Variants in MALT1 observed in about 807,000 individuals in gnomAD.
MALT1 encodes the protein mucosa-associated lymphoid tissue lymphoma translocation protein 1.
In MALT1, 36 loss-of-function variants were observed where a neutral mutation model predicts 85.5. The observed-to-expected ratio is 0.42, with a 90% CI of 0.32 to 0.56. The LOEUF is 0.56. MALT1 is among the 20% of genes least tolerant of loss of function. The pLI is 0.10. For missense variants in MALT1, 716 were observed against 981.6 expected (o/e 0.73, Z 3.62); for synonymous variants, 359 against 361.3 (o/e 0.99, Z 0.07).
intron 2 of MALT1, 115 bp from the exon 3 acceptor site, chr18:58,696,251 C>T (rs2054585477): frequency 4.8e-6 from 4 of 841,614 alleles, no homozygotes; most frequent in Non-Finnish European, 6.6e-6. Context: ...TGATTTATGA[C>T]AAAGATAAAT....
At chr18:58,680,953 AAAT>A (rs2054313243) in intron 1 of MALT1, among the ~76,000 whole-genome samples, 1 of 151,482 alleles carries the variant, frequency 6.6e-6, no homozygotes, top group African/African-American at 2.4e-5. Flanking sequence ...AAAAAAAAAA[AAAT>A]AATCATGGGA....
chr18:58,681,415 A>T, intron 2 of MALT1, 79 bp downstream of exon 2: 1 of 1,363,208 alleles, frequency 7.3e-7, no homozygotes, highest in Non-Finnish European at 9.9e-7. Flanking sequence ...TGACCAGGTG[A>T]ACTGTGTTAA....
In MALT1 at chr18:58,714,108, TG is replaced by T; in HGVS notation, c.985+1del. On this transcript the variant is annotated frameshift_variant and splice_region_variant, in exon 8 of 17. Coordinates refer to ENST00000649217, the MANE Select transcript of MALT1 (RefSeq NM_006785.4). LOFTEE classifies it high-confidence loss of function. The stretch of plus-strand genomic sequence containing the variant: ...ATGAATTAAATAATCTTGGTCATCC[TG>T]GTGAGTAATACAAACATAAAACTTT... ...EDELNNLGHP[D>X]NKEQTTDQPL... The T allele has an allele frequency of 7.9e-7, 1 of 1,266,152 alleles. No individual in the cohort carries two copies. Among genetic ancestry groups the T allele is most frequent in the Non-Finnish European group, 1.1e-6 (1 of 885,302 alleles). The allele number at this position is 1,266,152 out of a possible 1,614,324, so 78.4% of individuals were successfully genotyped here.
In MALT1 at chr18:58,671,795, GC is replaced by G; in HGVS notation, c.154del (p.Arg52GlyfsTer21). 1 of 1,250,686 alleles carries G rather than the reference GC, an allele frequency of 8.0e-7. No homozygotes were observed. The allele number at this position is 1,250,686 out of a possible 1,614,324, so 77.5% of individuals were successfully genotyped here. ...GAGCTCCTGGATCAGGCGCCCGAGG[GC>G]CGGGGCTGGAGGAGACTGGCGGAGC... ...LSELLDQAPE[G>X]RGWRRLAELA... On this transcript the variant is annotated frameshift_variant, in exon 1 of 17. Coordinates refer to ENST00000649217, the MANE Select transcript of MALT1 (RefSeq NM_006785.4). LOFTEE classifies it high-confidence loss of function.
chr18:58,675,083 G>A (rs184745853), intron 1 of MALT1, among the ~76,000 whole-genome samples: 24 of 152,216 alleles, frequency 1.6e-4, no homozygotes, highest in Admixed American at 5.2e-4. Context: ...AGTCAGACCC[G>A]GCCCTGATTC....
At position 58,734,568 on chromosome 18, in the gene MALT1, C is replaced by T; in HGVS notation, c.1475+187C>T. 1.8e-6 allele frequency: 1 copy of T among 560,820 alleles called. No individual in the cohort carries two copies. Among genetic ancestry groups the T allele is most frequent in the South Asian group, 2.4e-5 (1 of 40,872 alleles). 34.7% of individuals were successfully genotyped at this position (560,820 alleles called of 1,614,324 possible). A position where few individuals can be genotyped will look rare whatever the true frequency, so the allele number is the denominator to read the frequency against. ...CCTTCTGAGTCGCTGGGATTACAGG[C>T]ATGTGCCACTGTGCCTGGCCCCTGA... is the stretch of plus-strand genomic sequence containing the variant. On this transcript the variant is annotated intron_variant, in intron 12 of 16. Transcript: ENST00000649217.
chr18:58,709,004 A>G (rs1332662686), intron 4 of MALT1, among the ~76,000 whole-genome samples: 1 of 152,236 alleles, frequency 6.6e-6, no homozygotes, highest in African/African-American at 2.4e-5. Flanking sequence ...TTAAATGCCA[A>G]TATCGTTCAA....
At chr18:58,689,844 A>G (rs2054469890) in intron 2 of MALT1, among the ~76,000 whole-genome samples, 1 of 152,178 alleles carries the variant, frequency 6.6e-6, no homozygotes, top group African/African-American at 2.4e-5. Flanking sequence ...TTGTGGGGAG[A>G]ACCCAGCAGA....
At position 58,696,617 on chromosome 18, in the gene MALT1, C is replaced by T. The variant is rs577194057; in HGVS notation, c.498+130C>T. 210 of 644,540 alleles carry T rather than the reference C, an allele frequency of 3.3e-4. 1 individual carries two copies. Among genetic ancestry groups the T allele is most frequent in the Middle Eastern group, 2.7e-3 (6 of 2,182 alleles). The allele number at this position is 644,540 out of a possible 1,614,324, so 39.9% of individuals were successfully genotyped here. On this transcript the variant is annotated intron_variant, in intron 3 of 16. Transcript: ENST00000649217. The stretch of plus-strand genomic sequence containing the variant: ...TCTGATAGACATTGCTAGGTTATTA[C>T]TGAAGTAGTCAATAGTCATTATTTT...
rs1347146669 is a variant in MALT1, at chr18:58,734,649, A to C, written c.1475+268A>C. ...AAAATACCTATAGACATGTAGGCAT[A>C]AATTTACCTCCTTGATATTCTGCGT... On this transcript the variant is annotated intron_variant, in intron 12 of 16. Transcript: ENST00000649217. 6.0e-5 allele frequency: 21 copies of C among 348,818 alleles called. No homozygotes were observed. The Admixed American group carries it at 8.9e-4, about 15-fold the overall frequency. The allele number at this position is 348,818 out of a possible 1,614,324, so 21.6% of individuals were successfully genotyped here. A position where few individuals can be genotyped will look rare whatever the true frequency, so the allele number is the denominator to read the frequency against.
intron 10 of MALT1, among the ~76,000 whole-genome samples, chr18:58,732,965 C>G (rs28398115): frequency 0.13 from 19,622 of 151,070 alleles, 2,339 homozygotes; most frequent in African/African-American, 0.31. Flanking sequence ...GGGTGGAGTA[C>G]AGTGGCATGA....
intron 6 of MALT1, among the ~76,000 whole-genome samples, chr18:58,710,403 G>T (rs1448534251): frequency 2.0e-5 from 3 of 152,056 alleles, no homozygotes; most frequent in Non-Finnish European, 4.4e-5. Flanking sequence ...AAGATTTTTG[G>T]CCAGGTGCAG....
intron 7 of MALT1, among the ~76,000 whole-genome samples, chr18:58,711,428 T>C (rs2054829647): frequency 6.6e-6 from 1 of 152,192 alleles, no homozygotes; most frequent in Admixed American, 6.5e-5. Context: ...TTCTATGAAA[T>C]ATTAAATATT....
chr18:58,672,592 C>A (rs2054180664), intron 1 of MALT1: 1 of 151,948 alleles, frequency 6.6e-6, no homozygotes, highest in Non-Finnish European at 1.5e-5. Flanking sequence ...TGATATTTAC[C>A]ACCTTTGAAA....
At position 58,753,847 on chromosome 18, in the gene MALT1, TAC is replaced by T. The variant is rs757621588; in HGVS notation, c.*6007_*6008del. Reference sequence around the variant, plus strand: ...CTTCAGTTTAAAAGTACAGTGTCATTACAGAGTGCTTATTCTGTTACAAAATT... The same window carrying T: ...CTTCAGTTTAAAAGTACAGTGTCATTAGAGTGCTTATTCTGTTACAAAATT... On this transcript the variant is annotated 3_prime_UTR_variant, in exon 17 of 17. Transcript: ENST00000649217. 6.6e-6 allele frequency: 1 copy of T among 152,240 alleles called. No individual in the cohort carries two copies. Among genetic ancestry groups the T allele is most frequent in the African/African-American group, 2.4e-5 (1 of 41,468 alleles). The allele number at this position is 152,240 out of a possible 1,614,324, so 9.4% of individuals were successfully genotyped here.
intron 13 of MALT1, among the ~76,000 whole-genome samples, chr18:58,736,159 T>C (rs1395995197): frequency 2.0e-5 from 3 of 152,100 alleles, no homozygotes; most frequent in Non-Finnish European, 4.4e-5. Flanking sequence ...AGAAATTATT[T>C]TACAAACTAG....
Position 58,733,433 on chromosome 18 carries a change from T to A in MALT1, c.1259T>A (p.Phe420Tyr). The A allele has an allele frequency of 6.2e-7, 1 of 1,612,472 alleles. No homozygotes were observed. The highest frequency in any genetic ancestry group is 8.5e-7 in the Non-Finnish European group (1 of 1,179,460). The change falls in exon 11 of 17, where the codon TTT (phenylalanine) becomes TAT (tyrosine). Residue 420 changes from phenylalanine (F) to tyrosine (Y), a missense_variant. By Grantham distance (22) the Phe-to-Tyr change is conservative. Transcript: ENST00000649217. ...LYYAGHGYEN[F>Y]GNSFMVPVDA... ...TATGCAGGACATGGTTATGAAAATT[T>A]TGGGAACAGCTTCATGGTCCCCGTT...
At chr18:58,689,163 AAGAC>A (rs34446844) in intron 2 of MALT1, among the ~76,000 whole-genome samples, 17,846 of 151,776 alleles carry the variant, frequency 0.12, 1,598 homozygotes, top group African/African-American at 0.26. Context: ...AAAAAACAAA[AAGAC>A]AGAATCACTG....
intron 2 of MALT1, chr18:58,691,289 C>T (rs1204315675): frequency 1.4e-5 from 8 of 591,950 alleles, no homozygotes; most frequent in East Asian, 4.7e-5. Context: ...TGGAGAAAGC[C>T]GATTTGCAAC....
Sources: gnomAD v4.1 joint callset for allele counts (sites outside exome capture counted in the v4.1 genomes callset) on GRCh38, gnomAD v4.1.1 for gene constraint, MANE v1.5 for transcripts, NCBI Gene and HGNC (gene_info 2026-07-23, HGNC 2026-07-21) for gene names.